PSD3: variants seen among roughly 807,000 people sequenced by gnomAD.
PSD3 encodes the protein PH and SEC7 domain-containing protein 3.
A neutral mutation model predicts 105.5 loss-of-function variants in PSD3; 49 were observed. The observed-to-expected ratio is 0.46, with a 90% CI of 0.37 to 0.59. The LOEUF is 0.59. Ranked by LOEUF, PSD3 falls within the 20% of genes least tolerant of loss-of-function variation. The probability of loss-of-function intolerance (pLI) is 0.00; values close to 1 mark genes in which losing one functional copy is unlikely to be tolerated. For synonymous variants in PSD3, 557 were observed against 457.8 expected (o/e 1.22, Z -2.77); for missense variants, 1,561 against 1,263.8 (o/e 1.24, Z -3.57).
At position 18,556,275 on chromosome 8, in the gene PSD3, G is replaced by T; in HGVS notation, c.2862C>A (p.Pro954=). Reference sequence around the variant, plus strand: ...CGTCCTTGGCTTTGACCTTCTTGTCGGGGGGATATGAGCGGTGCTCGGCCA... The same window carrying T: ...CGTCCTTGGCTTTGACCTTCTTGTCTGGGGGATATGAGCGGTGCTCGGCCA... ...TELAEHRSYP[P]DKKVKAKDVD... Residue 954 remains proline, a synonymous_variant, in exon 15 of 16, where the codon CCC becomes CCA. Transcript: ENST00000327040. The T allele has an allele frequency of 1.2e-6, 2 of 1,613,816 alleles. No homozygotes were observed. Among genetic ancestry groups the T allele is most frequent in the Non-Finnish European group, 1.7e-6 (2 of 1,179,868 alleles).
At chr8:18,808,646 G>A in intron 4 of PSD3, 1 of 1,403,298 alleles carries the variant, frequency 7.1e-7, no homozygotes, top group South Asian at 1.2e-5. Flanking sequence ...TATGTCCCTA[G>A]ATGGCTTCAT....
chr8:18,912,370 G>A (rs966496830), intron 2 of PSD3, among the ~76,000 whole-genome samples: 1 of 152,160 alleles, frequency 6.6e-6, no homozygotes, highest in Admixed American at 6.6e-5. Context: ...GAAAAGTGTT[G>A]CAGGTTCAGT....
chr8:18,861,974 G>C (rs1816487192), intron 4 of PSD3, among the ~76,000 whole-genome samples: 1 of 152,088 alleles, frequency 6.6e-6, no homozygotes, highest in South Asian at 2.1e-4. Flanking sequence ...AGTGCACTGT[G>C]CTTCATAGAC....
At chr8:18,878,513 A>C (rs962786662) in intron 2 of PSD3, among the ~76,000 whole-genome samples, 2 of 152,190 alleles carry the variant, frequency 1.3e-5, no homozygotes, top group South Asian at 2.1e-4. Context: ...ATTTGTTCTA[A>C]TCCTAATACA....
At chr8:18,861,884 C>T (rs932805413) in intron 4 of PSD3, among the ~76,000 whole-genome samples, 2 of 152,040 alleles carry the variant, frequency 1.3e-5, no homozygotes, top group Non-Finnish European at 2.9e-5. Context: ...AAGACCTCCC[C>T]GAGAACAAGC....
intron 14 of PSD3, among the ~76,000 whole-genome samples, chr8:18,569,484 T>G (rs1435556469): frequency 2.0e-5 from 3 of 149,448 alleles, no homozygotes; most frequent in Non-Finnish European, 3.0e-5. Context: ...AGCCAAATCA[T>G]GAGTGAACTC....
intron 1 of PSD3, among the ~76,000 whole-genome samples, chr8:18,990,398 C>T (rs1825724558): frequency 6.6e-6 from 1 of 152,054 alleles, no homozygotes; most frequent in Admixed American, 6.6e-5. Context: ...TCTCTCAGTT[C>T]TTCATATGCG....
intron 12 of PSD3, 51 bp downstream of exon 12, chr8:18,600,313 A>C (rs556336098): frequency 2.7e-6 from 4 of 1,470,588 alleles, no homozygotes; most frequent in Non-Finnish European, 3.8e-6. Context: ...ACTGGACCTC[A>C]TGTAATTATT....
intron 9 of PSD3, among the ~76,000 whole-genome samples, chr8:18,753,106 C>G (rs962732285): frequency 6.6e-6 from 1 of 151,982 alleles, no homozygotes; most frequent in Non-Finnish European, 1.5e-5. Flanking sequence ...CCTGTAATCC[C>G]AGCACTCTGG....
rs1799478539 is a variant in PSD3 at position 18,527,672 on chromosome 8, T to C, written c.*8071A>G. On this transcript the variant is annotated 3_prime_UTR_variant, in exon 16 of 16. Transcript: ENST00000327040. ...TGTAAACTTAATTGTCAAAATATTCTTTAAACACTTTAACAATATCCACAC... is the reference window on the plus strand; with the variant it reads ...TGTAAACTTAATTGTCAAAATATTCCTTAAACACTTTAACAATATCCACAC... 1 of 152,664 alleles carries C rather than the reference T, an allele frequency of 6.6e-6. No homozygotes were observed. 9.5% of individuals were successfully genotyped at this position (152,664 alleles called of 1,614,324 possible). A position where few individuals can be genotyped will look rare whatever the true frequency, so the allele number is the denominator to read the frequency against.
At chr8:18,677,083 C>A (rs190794556) in intron 9 of PSD3, among the ~76,000 whole-genome samples, 4 of 152,148 alleles carry the variant, frequency 2.6e-5, no homozygotes, top group Admixed American at 6.6e-5. Context: ...GCATAGTGTG[C>A]TCAACATTTA....
intron 12 of PSD3, among the ~76,000 whole-genome samples, chr8:18,578,282 C>T (rs764703781): frequency 6.6e-6 from 1 of 152,064 alleles, no homozygotes; most frequent in Non-Finnish European, 1.5e-5. Context: ...TGTAACCATT[C>T]ACTTGGGTTG....
chr8:18,660,568 AC>A (rs1369377704), intron 9 of PSD3, among the ~76,000 whole-genome samples: 6 of 152,190 alleles, frequency 3.9e-5, no homozygotes, highest in Non-Finnish European at 7.3e-5. Context: ...GTCTTTCCCC[AC>A]AGTGGTCTTA....
intron 9 of PSD3, among the ~76,000 whole-genome samples, chr8:18,743,164 T>G (rs1804716466): frequency 6.6e-6 from 1 of 152,186 alleles, no homozygotes; most frequent in South Asian, 2.1e-4. Flanking sequence ...GAAGGTTCAC[T>G]GAAAATCAAC....
At chr8:18,955,793 G>C (rs1823533180) in intron 1 of PSD3, among the ~76,000 whole-genome samples, 1 of 145,728 alleles carries the variant, frequency 6.9e-6, no homozygotes, top group Non-Finnish European at 1.5e-5. Flanking sequence ...TTTTAAGACG[G>C]AGTCTCATTC....
intron 2 of PSD3, among the ~76,000 whole-genome samples, chr8:18,917,705 C>A (rs551903775): frequency 6.6e-6 from 1 of 152,136 alleles, no homozygotes; most frequent in Non-Finnish European, 1.5e-5. Context: ...CACCCCCAAC[C>A]CTGCCCCTTG....
At chr8:18,744,498 T>C (rs1164855958) in intron 9 of PSD3, among the ~76,000 whole-genome samples, 2 of 152,242 alleles carry the variant, frequency 1.3e-5, no homozygotes, top group Non-Finnish European at 2.9e-5. Context: ...GATCGAGATT[T>C]GTATTATTCT....
intron 9 of PSD3, among the ~76,000 whole-genome samples, chr8:18,696,882 A>T (rs1257906880): frequency 6.6e-6 from 1 of 152,196 alleles, no homozygotes; most frequent in Non-Finnish European, 1.5e-5. Context: ...AATGTGTAAA[A>T]AGAAAACAAG....
At chr8:18,658,549 G>A (rs1277894619) in intron 9 of PSD3, among the ~76,000 whole-genome samples, 2 of 148,938 alleles carry the variant, frequency 1.3e-5, no homozygotes, top group East Asian at 2.0e-4. Context: ...TTGAGACAGG[G>A]TCTTGCTTGG....
Sources: allele counts gnomAD v4.1 joint callset (sites outside exome capture counted in the v4.1 genomes callset), GRCh38; gene constraint gnomAD v4.1.1; transcripts MANE v1.5; gene names NCBI Gene and HGNC (gene_info 2026-07-23, HGNC 2026-07-21).